B3GALT2: variants seen among roughly 807,000 people sequenced by gnomAD.
B3GALT2 encodes the protein beta-1,3-galactosyltransferase 2.
B3GALT2 carries 13 observed loss-of-function variants against 33.5 expected under a neutral mutation model. That is an observed-to-expected ratio of 0.39 (90% CI 0.25 to 0.62). The LOEUF (loss-of-function observed/expected upper bound fraction) is 0.62. B3GALT2 is among the 20% of genes least tolerant of loss of function. The probability of loss-of-function intolerance (pLI) is 0.53; values close to 1 mark genes in which losing one functional copy is unlikely to be tolerated. For missense variants in B3GALT2, 418 were observed against 509.1 expected (o/e 0.82, Z 1.72); for synonymous variants, 195 against 172.7 (o/e 1.13, Z -1.01).
At position 193,180,950 on chromosome 1, in the gene B3GALT2, T is replaced by C. The variant is rs549154183; in HGVS notation, c.613A>G (p.Ile205Val). ...IKLNGYLQRA[I>V]LEESRQYHDI... ...TGATATTGTCTGCTTTCTTCCAGTATTGCACGTTGAAGGTAGCCATTTAGC... is the reference window on the plus strand; with the variant it reads ...TGATATTGTCTGCTTTCTTCCAGTACTGCACGTTGAAGGTAGCCATTTAGC... The change falls in exon 2 of 2, where the codon ATA (isoleucine) becomes GTA (valine). Residue 205 changes from isoleucine to valine, a missense_variant. Ile to Val is a conservative substitution (Grantham distance 29, BLOSUM62 3). Transcript: ENST00000367434. 3.7e-6 allele frequency: 6 copies of C among 1,613,578 alleles called. No individual in the cohort carries two copies. The highest frequency in any genetic ancestry group is 2.2e-5 in the South Asian group (2 of 91,084).
Position 193,181,591 on chromosome 1 carries a change from G to A in B3GALT2, c.-29C>T. The A allele has an allele frequency of 6.5e-7, 1 of 1,527,030 alleles. No homozygotes were observed. The highest frequency in any genetic ancestry group is 1.3e-5 in the South Asian group (1 of 76,112). 94.6% of individuals were successfully genotyped at this position (1,527,030 alleles called of 1,614,324 possible). ...GTAAATATCCAGTAGTGGTATATGA[G>A]AGATTGGTGACCAAAAATGTTTTCT... On this transcript the variant is annotated 5_prime_UTR_variant, in exon 2 of 2. Transcript: ENST00000367434.
intron 1 of B3GALT2, among the ~76,000 whole-genome samples, chr1:193,183,001 T>C (rs1462630234): frequency 6.6e-6 from 1 of 152,020 alleles, no homozygotes; most frequent in Non-Finnish European, 1.5e-5. Context: ...TAAATACATG[T>C]ATGTATTTAG....
chr1:193,184,793 G>A (rs1676777308), intron 1 of B3GALT2, among the ~76,000 whole-genome samples: 1 of 151,946 alleles, frequency 6.6e-6, no homozygotes, highest in African/African-American at 2.4e-5. Flanking sequence ...ATTCATGGGT[G>A]AGAGTGATGT....
rs755273250 is a variant in B3GALT2 at position 193,181,539 on chromosome 1, G to A, written c.24C>T (p.His8=). Reference sequence around the variant, plus strand: ...TCCAGGTCATCTTTGCAAAGCAGCAGTGTCTTCTCCTCCACTGAAGCATGT... The same window carrying A: ...TCCAGGTCATCTTTGCAAAGCAGCAATGTCTTCTCCTCCACTGAAGCATGT... MLQWRRR[H]CCFAKMTWNA... is the part of the protein sequence containing the mutation. Residue 8 remains histidine, a synonymous_variant, in exon 2 of 2, where the codon CAC becomes CAT. Coordinates refer to ENST00000367434, the MANE Select transcript of B3GALT2 (RefSeq NM_003783.3). 2 of 1,601,910 alleles carry A rather than the reference G, an allele frequency of 1.2e-6. No homozygotes were observed. Among genetic ancestry groups the A allele is most frequent in the East Asian group, 4.5e-5 (2 of 44,852 alleles).
chr1:193,183,585 T>C (rs1232739705), intron 1 of B3GALT2, among the ~76,000 whole-genome samples: 1 of 151,370 alleles, frequency 6.6e-6, no homozygotes, highest in Non-Finnish European at 1.5e-5. Context: ...TTCCTTCTTG[T>C]ACTTTTAAAT....
intron 1 of B3GALT2, among the ~76,000 whole-genome samples, chr1:193,185,735 A>T (rs1002888924): frequency 6.6e-6 from 1 of 151,940 alleles, no homozygotes; most frequent in Non-Finnish European, 1.5e-5. Context: ...ATTTTTTTTT[A>T]AGTTTAATTT....
rs747528647 is a variant in B3GALT2 at position 193,180,341 on chromosome 1, C to T, written c.1222G>A (p.Ala408Thr). 1.2e-5 allele frequency: 19 copies of T among 1,598,894 alleles called. No individual in the cohort carries two copies. The highest frequency in any genetic ancestry group is 6.7e-5 in the South Asian group (6 of 88,902). The change falls in exon 2 of 2, where the codon GCA becomes ACA. Residue 408 changes from alanine to threonine, a missense_variant. Ala to Thr is a moderately conservative substitution (Grantham distance 58). Transcript: ENST00000367434. ...TACCTGCCTGCCTTTTCTTTTGCTG[C>T]GTTGGCACAGGCATTGTGCTTATTT... is the stretch of plus-strand genomic sequence containing the variant. ...QQNKHNACAN[A>T]AKEKAGRYRH... is the part of the protein sequence containing the mutation.
chr1:193,181,905 G>A (rs528426223), intron 1 of B3GALT2, among the ~76,000 whole-genome samples: 1 of 152,124 alleles, frequency 6.6e-6, no homozygotes, highest in African/African-American at 2.4e-5. Flanking sequence ...ATGAGGTGAT[G>A]GATTCATTTC....
intron 1 of B3GALT2, among the ~76,000 whole-genome samples, chr1:193,183,300 A>G (rs1443425107): frequency 6.6e-6 from 1 of 151,424 alleles, no homozygotes; most frequent in Non-Finnish European, 1.5e-5. Context: ...TGAAATTTCT[A>G]GTTTCTGAGA....
chr1:193,184,947 G>A (rs1392960315), intron 1 of B3GALT2, among the ~76,000 whole-genome samples: 1 of 151,918 alleles, frequency 6.6e-6, no homozygotes, highest in African/African-American at 2.4e-5. Context: ...CAGGATCTTT[G>A]ATAGATTTGT....
At position 193,186,058 on chromosome 1, in the gene B3GALT2, C is replaced by T. The variant is rs1676800642; in HGVS notation, c.-160G>A. ...CCATTTATGTGAAGAGGATTATGCCCACTGAAAATACTTTTGGCACGCCAT... is the reference window on the plus strand; with the variant it reads ...CCATTTATGTGAAGAGGATTATGCCTACTGAAAATACTTTTGGCACGCCAT... On this transcript the variant is annotated 5_prime_UTR_variant, in exon 1 of 2. It introduces an in-frame stop codon into an upstream open reading frame of the 5' UTR. Coordinates refer to ENST00000367434, the MANE Select transcript of B3GALT2 (RefSeq NM_003783.3). 6.6e-6 allele frequency: 1 copy of T among 152,508 alleles called. No homozygotes were observed. Among genetic ancestry groups the T allele is most frequent in the South Asian group, 2.1e-4 (1 of 4,826 alleles). The allele number at this position is 152,508 out of a possible 1,614,324, so 9.4% of individuals were successfully genotyped here.
rs1676714464 is a variant in B3GALT2 at position 193,181,428 on chromosome 1, A to G, written c.135T>C (p.His45=). The G allele has an allele frequency of 1.2e-6, 2 of 1,614,068 alleles. No individual in the cohort carries two copies. The highest frequency in any genetic ancestry group is 1.1e-5 in the South Asian group (1 of 91,080). Residue 45 remains histidine (H), a synonymous_variant, in exon 2 of 2, where the codon CAT becomes CAC. Transcript: ENST00000367434. ...FLFAMFLFFN[H]HDWLPGRAGF... Reference sequence around the variant, plus strand: ...CAGCTCTGCCTGGCAGCCAGTCATGATGATTGAAAAACAAAAACATAGCAA... The same window carrying G: ...CAGCTCTGCCTGGCAGCCAGTCATGGTGATTGAAAAACAAAAACATAGCAA...
intron 1 of B3GALT2, among the ~76,000 whole-genome samples, chr1:193,182,466 G>T (rs976371859): frequency 5.9e-5 from 9 of 152,020 alleles, no homozygotes; most frequent in Admixed American, 5.2e-4. Flanking sequence ...TATCTTGGTT[G>T]AGTCTCCATG....
chr1:193,181,287 C>T lies in B3GALT2; in HGVS notation c.276G>A (p.Arg92=). ...IWKETVPQTL[R]PQTATNSNNT... ...TATTAGAGTTAGTTGCTGTTTGAGG[C>T]CTCAGGGTTTGAGGGACTGTTTCTT... Residue 92 remains arginine (R), a synonymous_variant, in exon 2 of 2, where the codon AGG becomes AGA. Transcript: ENST00000367434. 1.2e-6 allele frequency: 2 copies of T among 1,614,070 alleles called. No individual in the cohort carries two copies. The highest frequency in any genetic ancestry group is 8.5e-7 in the Non-Finnish European group (1 of 1,179,952).
intron 1 of B3GALT2, among the ~76,000 whole-genome samples, chr1:193,182,225 G>A (rs1257783323): frequency 1.3e-5 from 2 of 152,094 alleles, no homozygotes; most frequent in Non-Finnish European, 2.9e-5. Flanking sequence ...CCCCTACTGT[G>A]TTGAGAAAGT....
At chr1:193,184,687 C>T (rs574352018) in intron 1 of B3GALT2, among the ~76,000 whole-genome samples, 34 of 151,954 alleles carry the variant, frequency 2.2e-4, no homozygotes, top group Admixed American at 2.2e-3. Context: ...TAATTGGTGA[C>T]TTCAATATTG....
In B3GALT2 at chr1:193,181,158, A is replaced by G; in HGVS notation, c.405T>C (p.His135=). The stretch of plus-strand genomic sequence containing the variant: ...CAGGCTCATTAATAATATATTTGAA[A>G]TGGTAAGAATTTGGATGTCCAGTAC... ...EKGTGHPNSY[H]FKYIINEPEK... Residue 135 remains histidine, a synonymous_variant, in exon 2 of 2, where the codon CAT becomes CAC. Transcript: ENST00000367434. The G allele has an allele frequency of 6.2e-7, 1 of 1,613,938 alleles. No homozygotes were observed. The highest frequency in any genetic ancestry group is 1.3e-5 in the African/African-American group (1 of 75,010).
intron 1 of B3GALT2, among the ~76,000 whole-genome samples, chr1:193,184,974 C>CT (rs915191973): frequency 2.0e-5 from 3 of 151,912 alleles, no homozygotes; most frequent in Non-Finnish European, 4.4e-5. Flanking sequence ...TTAGAAATAT[C>CT]TTTAAGTTCT....
Position 193,180,784 on chromosome 1 carries a change from T to A in B3GALT2, c.779A>T (p.Glu260Val), listed in dbSNP as rs374259217. ...KTDSDMFVNT[E>V]YLINKLLKPD... ...CTTCAGTAACTTATTGATTAAATAT[T>A]CAGTGTTGACAAACATGTCACTGTC... Residue 260 changes from glutamate (E) to valine (V), a missense_variant, in exon 2 of 2, where the codon GAA becomes GTA. Glu to Val is a moderately radical substitution (Grantham distance 121). This residue lies in a region of B3GALT2 where 226 missense variants were observed against 293.9 expected (regional missense o/e 0.77). Coordinates refer to ENST00000367434, the MANE Select transcript of B3GALT2 (RefSeq NM_003783.3). 3.9e-5 allele frequency: 63 copies of A among 1,614,110 alleles called. No individual in the cohort carries two copies. In the African/African-American group the frequency reaches 8.1e-4, roughly 21 times the overall value.
Sources: gnomAD v4.1 joint callset for allele counts (sites outside exome capture counted in the v4.1 genomes callset) on GRCh38, gnomAD v4.1.1 for gene constraint, gnomAD v4.1.1 regional missense constraint, MANE v1.5 for transcripts, NCBI Gene and HGNC (gene_info 2026-07-23, HGNC 2026-07-21) for gene names.